The following TMOD1 variants were observed in gnomAD, a reference collection of about 807,000 sequenced individuals.
The protein encoded by TMOD1 is tropomodulin 1.
A neutral mutation model predicts 40.6 loss-of-function variants in TMOD1; 17 were observed. That is an observed-to-expected ratio of 0.42 (90% confidence interval 0.29 to 0.63). The LOEUF (loss-of-function observed/expected upper bound fraction) is 0.63. Among genes scored for constraint, TMOD1 ranks in the 20% least tolerant of loss-of-function variants. TMOD1 has a pLI of 0.22. For missense variants in TMOD1, 391 were observed against 447.6 expected, an observed-to-expected ratio of 0.87 and a Z score of 1.14; for synonymous variants, 181 against 175.0, an observed-to-expected ratio of 1.03 and a Z score of -0.27.
At chr9:97,534,901 A>G (rs931240660) in intron 2 of TMOD1, among the ~76,000 whole-genome samples, 6 of 152,212 alleles carry the variant, frequency 3.9e-5, no homozygotes, top group Non-Finnish European at 7.3e-5. Context: ...TGAAAGATGA[A>G]TGCAGGGGAG....
chr9:97,508,447 C>T (rs1193965262), intron 1 of TMOD1, among the ~76,000 whole-genome samples: 1 of 152,216 alleles, frequency 6.6e-6, no homozygotes, highest in East Asian at 1.9e-4. Flanking sequence ...ACCTCGGCCT[C>T]CCACAGTGCT....
At chr9:97,558,705 A>G (rs961310293) in intron 4 of TMOD1, among the ~76,000 whole-genome samples, 3 of 152,168 alleles carry the variant, frequency 2.0e-5, no homozygotes, top group Admixed American at 6.5e-5. Flanking sequence ...CGGCCTCCCA[A>G]AGTGCTGGGA....
chr9:97,575,926 A>G (rs1292898086), intron 8 of TMOD1, among the ~76,000 whole-genome samples: 1 of 152,226 alleles, frequency 6.6e-6, no homozygotes, highest in Non-Finnish European at 1.5e-5. Flanking sequence ...AGCAGTCTCA[A>G]TTTTAATTTG....
intron 9 of TMOD1, among the ~76,000 whole-genome samples, chr9:97,599,088 T>G (rs1336338511): frequency 6.6e-6 from 1 of 152,184 alleles, no homozygotes; most frequent in African/African-American, 2.4e-5. Context: ...GGCATTTAAC[T>G]ACTTTGTCAC....
chr9:97,539,154 C>T (rs150374381), intron 2 of TMOD1, among the ~76,000 whole-genome samples: 1 of 152,264 alleles, frequency 6.6e-6, no homozygotes, highest in Non-Finnish European at 1.5e-5. Flanking sequence ...GGGATCATAG[C>T]CCTACATGTT....
intron 8 of TMOD1, among the ~76,000 whole-genome samples, chr9:97,569,487 C>T (rs749041268): frequency 2.6e-5 from 4 of 152,304 alleles, no homozygotes; most frequent in African/African-American, 4.8e-5. Flanking sequence ...CCATTCAATG[C>T]GGCTTTTGAA....
chr9:97,573,587 C>A lies in TMOD1; in HGVS notation c.870+4550C>A, dbSNP rs144046182. 3.3e-3 allele frequency among the ~76,000 whole-genome samples: 506 copies of A among 152,314 alleles called. 1 individual carries two copies. Among genetic ancestry groups the A allele is most frequent in the African/African-American group, 0.012 (486 of 41,562 alleles). Reference sequence around the variant, plus strand: ...ATAAACATGTATTAACTCACCATTTCTGAGGGCCAGGAATCCAGGAGCAGT... The same window carrying A: ...ATAAACATGTATTAACTCACCATTTATGAGGGCCAGGAATCCAGGAGCAGT... On this transcript the variant is annotated intron_variant, in intron 8 of 9. Transcript: ENST00000259365.
intron 2 of TMOD1, among the ~76,000 whole-genome samples, chr9:97,529,207 A>G (rs1475168916): frequency 6.6e-6 from 1 of 152,164 alleles, no homozygotes; most frequent in African/African-American, 2.4e-5. Flanking sequence ...TTTTCTGGGA[A>G]AGAGCCTGAG....
chr9:97,576,550 C>T (rs28368170), intron 8 of TMOD1, among the ~76,000 whole-genome samples: 10,542 of 151,942 alleles, frequency 0.069, 396 homozygotes, highest in Non-Finnish European at 0.083. Flanking sequence ...AAACAAGTAC[C>T]ACAAAACAAA....
intron 7 of TMOD1, 104 bp downstream of exon 7, chr9:97,566,059 T>G: frequency 3.0e-5 from 28 of 932,936 alleles, no homozygotes; most frequent in Non-Finnish European, 4.2e-5. Flanking sequence ...CAAAGAGCTC[T>G]ATGTGGTACA....
At chr9:97,503,909 C>T (rs1829545299) in intron 1 of TMOD1, among the ~76,000 whole-genome samples, 1 of 152,132 alleles carries the variant, frequency 6.6e-6, no homozygotes, top group African/African-American at 2.4e-5. Context: ...GCCTTTCTAG[C>T]ATGACCCATC....
At chr9:97,518,053 C>T (rs892968083) in intron 1 of TMOD1, among the ~76,000 whole-genome samples, 15 of 152,192 alleles carry the variant, frequency 9.9e-5, no homozygotes, top group African/African-American at 3.1e-4. Flanking sequence ...CCGCGATGGG[C>T]CCCCCAGCTT....
chr9:97,571,936 G>A (rs1464790470), intron 8 of TMOD1, among the ~76,000 whole-genome samples: 1 of 152,194 alleles, frequency 6.6e-6, no homozygotes, highest in African/African-American at 2.4e-5. Context: ...GTGCTGGGCT[G>A]TGTGCAGGAC....
chr9:97,521,227 A>C (rs913660719), intron 1 of TMOD1, among the ~76,000 whole-genome samples: 1 of 152,190 alleles, frequency 6.6e-6, no homozygotes, highest in Non-Finnish European at 1.5e-5. Flanking sequence ...CTTTTATGAT[A>C]AAAAAGACTG....
rs1027396968 is a variant in TMOD1, at chr9:97,591,970, G to T, written c.1015+535G>T. On this transcript the variant is annotated intron_variant, in intron 9 of 9. Coordinates refer to ENST00000259365, the MANE Select transcript of TMOD1 (RefSeq NM_003275.4). ...GTAATCTCAATTAAAGGCATAGTTTGTTTTTTTCTAAAAGGAAAAATTATT... is the reference window on the plus strand; with the variant it reads ...GTAATCTCAATTAAAGGCATAGTTTTTTTTTTTCTAAAAGGAAAAATTATT... 5.4e-5 allele frequency among the ~76,000 whole-genome samples: 8 copies of T among 149,486 alleles called. No homozygotes were observed. The East Asian group carries it at 1.4e-3, about 25-fold the overall frequency.
At chr9:97,565,777 C>A in intron 6 of TMOD1, 71 bp from the exon 7 acceptor site, 1 of 1,247,080 alleles carries the variant, frequency 8.0e-7, no homozygotes, top group Non-Finnish European at 1.2e-6. Flanking sequence ...AGTAGCCAGG[C>A]TAATCCACCT....
intron 4 of TMOD1, among the ~76,000 whole-genome samples, chr9:97,553,839 C>T (rs549388855): frequency 6.6e-6 from 1 of 152,150 alleles, no homozygotes; most frequent in African/African-American, 2.4e-5. Flanking sequence ...CTCAGTGAGC[C>T]GGCTTTGAGG....
intron 4 of TMOD1, among the ~76,000 whole-genome samples, chr9:97,561,706 C>G (rs1180788947): frequency 1.3e-5 from 2 of 152,190 alleles, no homozygotes; most frequent in African/African-American, 2.4e-5. Flanking sequence ...CCTCTTCCTA[C>G]TCTCCACCTC....
chr9:97,538,337 T>C (rs1482265507), intron 2 of TMOD1, among the ~76,000 whole-genome samples: 1 of 152,196 alleles, frequency 6.6e-6, no homozygotes, highest in Non-Finnish European at 1.5e-5. Flanking sequence ...CTCAGATTCC[T>C]ATATACAAAT....
Sources: allele counts gnomAD v4.1 joint callset (sites outside exome capture counted in the v4.1 genomes callset), GRCh38; gene constraint gnomAD v4.1.1; transcripts MANE v1.5; gene names NCBI Gene and HGNC (gene_info 2026-07-23, HGNC 2026-07-21).